Variants in GRIN2A observed in about 807,000 individuals in gnomAD.
The protein encoded by GRIN2A is glutamate ionotropic receptor NMDA type subunit 2A.
A neutral mutation model predicts 113.4 loss-of-function variants in GRIN2A; 22 were observed. That is an observed-to-expected ratio of 0.19 (90% CI 0.14 to 0.28). GRIN2A has a LOEUF of 0.28. Ranked by LOEUF, GRIN2A falls within the 10% of genes least tolerant of loss-of-function variation. The pLI, the probability that GRIN2A is intolerant of heterozygous loss-of-function variation, is 1.00. For synonymous variants in GRIN2A, 827 were observed against 738.4 expected (o/e 1.12, Z -1.94); for missense variants, 1,502 against 1,887.0 (o/e 0.80, Z 3.78).
intron 2 of GRIN2A, among the ~76,000 whole-genome samples, chr16:10,084,979 C>T (rs188063520): frequency 5.3e-4 from 80 of 152,244 alleles, no homozygotes; most frequent in Middle Eastern, 3.4e-3. Context: ...CACCAGGAAC[C>T]ATTCCAAGGG....
chr16:10,151,363 C>G (rs951435567), intron 2 of GRIN2A, among the ~76,000 whole-genome samples: 1 of 152,116 alleles, frequency 6.6e-6, no homozygotes, highest in African/African-American at 2.4e-5. Context: ...TCTGACATTG[C>G]CAGTTAGGTG....
At chr16:10,134,929 A>G (rs1013831608) in intron 2 of GRIN2A, among the ~76,000 whole-genome samples, 1 of 59,074 alleles carries the variant, frequency 1.7e-5, no homozygotes, top group Admixed American at 2.5e-4. Flanking sequence ...TTATCTTTCC[A>G]ACGAACTAGC....
intron 2 of GRIN2A, among the ~76,000 whole-genome samples, chr16:10,078,026 C>T (rs554978094): frequency 2.0e-5 from 3 of 152,266 alleles, no homozygotes; most frequent in East Asian, 1.9e-4. Flanking sequence ...CTGCAAAATG[C>T]GGTTGTGGTA....
chr16:9,928,290 G>A (rs578082394), intron 3 of GRIN2A, among the ~76,000 whole-genome samples: 2 of 152,258 alleles, frequency 1.3e-5, no homozygotes, highest in East Asian at 3.9e-4. Flanking sequence ...CTCCCACCTG[G>A]AAGGGATGAT....
chr16:10,077,590 T>C (rs1277880761), intron 2 of GRIN2A, among the ~76,000 whole-genome samples: 5 of 152,222 alleles, frequency 3.3e-5, no homozygotes, highest in Admixed American at 6.5e-5. Context: ...ATGTTTATTA[T>C]CTGCCCCAAA....
intron 2 of GRIN2A, among the ~76,000 whole-genome samples, chr16:10,176,738 T>C (rs1294147270): frequency 6.6e-6 from 1 of 150,724 alleles, no homozygotes; most frequent in Non-Finnish European, 1.5e-5. Context: ...CTAGGAGATA[T>C]ACCTAATGTA....
At chr16:10,004,345 C>T (rs1325513321) in intron 2 of GRIN2A, among the ~76,000 whole-genome samples, 5 of 151,708 alleles carry the variant, frequency 3.3e-5, no homozygotes, top group African/African-American at 1.2e-4. Context: ...GCCGAGATCA[C>T]ACCACTGCAC....
At chr16:9,981,570 A>T (rs1035512689) in intron 2 of GRIN2A, among the ~76,000 whole-genome samples, 2 of 152,164 alleles carry the variant, frequency 1.3e-5, no homozygotes, top group African/African-American at 4.8e-5. Flanking sequence ...CATATCATTC[A>T]TCTGTAAATA....
chr16:10,063,281 G>A (rs2047585315), intron 2 of GRIN2A, among the ~76,000 whole-genome samples: 1 of 152,190 alleles, frequency 6.6e-6, no homozygotes, highest in Non-Finnish European at 1.5e-5. Flanking sequence ...CTACTTGGAT[G>A]ATGGGACCAT....
chr16:10,050,534 A>G (rs1347364975), intron 2 of GRIN2A, among the ~76,000 whole-genome samples: 1 of 151,848 alleles, frequency 6.6e-6, no homozygotes, highest in African/African-American at 2.4e-5. Flanking sequence ...TGAGAATCTA[A>G]TGCCTGTTGA....
At position 9,763,418 on chromosome 16, in the gene GRIN2A, G is replaced by C. The variant is rs1426934537; in HGVS notation, c.4126C>G (p.Arg1376Gly). The change falls in exon 13 of 13, where the codon CGC (arginine) becomes GGC (glycine). Residue 1376 changes from arginine to glycine, a missense_variant. Coordinates refer to ENST00000330684, the MANE Select transcript of GRIN2A (RefSeq NM_001134407.3). ...GAGGGGCATCTCCCAATAACCAAGC[G>C]TTGGTCATCCCTGTGGGAGTGGAGG... ...PFLHSHRDDQ[R>G]LVIGRCPSDP... 3 of 1,614,086 alleles carry C rather than the reference G, an allele frequency of 1.9e-6. No individual in the cohort carries two copies. Among genetic ancestry groups the C allele is most frequent in the Middle Eastern group, 1.6e-4 (1 of 6,062 alleles).
At chr16:10,102,602 A>G in intron 2 of GRIN2A, among the ~76,000 whole-genome samples, 1 of 151,330 alleles carries the variant, frequency 6.6e-6, no homozygotes, top group Non-Finnish European at 1.5e-5. Flanking sequence ...GCTGTAGTGC[A>G]GTGTTGTGAT....
chr16:9,884,181 T>G (rs1431801013), intron 4 of GRIN2A, among the ~76,000 whole-genome samples: 1 of 152,170 alleles, frequency 6.6e-6, no homozygotes, highest in African/African-American at 2.4e-5. Flanking sequence ...ATTTGTTAAC[T>G]TAAACAAATT....
intron 2 of GRIN2A, among the ~76,000 whole-genome samples, chr16:9,997,371 A>G (rs1028910415): frequency 3.9e-5 from 6 of 151,932 alleles, no homozygotes; most frequent in African/African-American, 1.5e-4. Context: ...ATCCCGGGGG[A>G]TCTCTTCCTG....
chr16:10,037,710 C>A (rs1305182115), intron 2 of GRIN2A, among the ~76,000 whole-genome samples: 4 of 152,170 alleles, frequency 2.6e-5, no homozygotes, highest in Non-Finnish European at 5.9e-5. Context: ...ACTGCAGCCT[C>A]TACCTCCTGG....
chr16:10,163,573 G>A (rs1334834378), intron 2 of GRIN2A, among the ~76,000 whole-genome samples: 1 of 152,124 alleles, frequency 6.6e-6, no homozygotes, highest in Admixed American at 6.5e-5. Context: ...TTTTGCTTGT[G>A]AATAGCCACA....
At chr16:10,096,544 A>ACACACACACACACACACACC (rs2048294512) in intron 2 of GRIN2A, among the ~76,000 whole-genome samples, 1 of 147,700 alleles carries the variant, frequency 6.8e-6, no homozygotes, top group Non-Finnish European at 1.5e-5. Context: ...GGTAAAACAC[A>ACACACACACACACACACACC]CACACACACA....
At chr16:10,040,798 G>C (rs2047152976) in intron 2 of GRIN2A, among the ~76,000 whole-genome samples, 1 of 152,252 alleles carries the variant, frequency 6.6e-6, no homozygotes, top group African/African-American at 2.4e-5. Context: ...ATCTGCCTCT[G>C]TTCCTGAATA....
Position 10,168,079 on chromosome 16 carries a change from C to T in GRIN2A, c.414+11919G>A, listed in dbSNP as rs368137419. On this transcript the variant is annotated intron_variant, in intron 2 of 12. Coordinates refer to ENST00000330684, the MANE Select transcript of GRIN2A (RefSeq NM_001134407.3). ...AATAATGATTAACCTGATACAAGTG[C>T]AAAAACACCCCATTTCGAGATCATT... Among the ~76,000 whole-genome samples, 4 of 152,124 alleles carry T rather than the reference C, an allele frequency of 2.6e-5. No homozygotes were observed. The East Asian group carries it at 7.7e-4, about 29-fold the overall frequency.
Sources: allele counts gnomAD v4.1 joint callset (sites outside exome capture counted in the v4.1 genomes callset), GRCh38; gene constraint gnomAD v4.1.1; transcripts MANE v1.5; gene names NCBI Gene and HGNC (gene_info 2026-07-23, HGNC 2026-07-21).